The following KIF3C variants were observed in gnomAD, a reference collection of about 807,000 sequenced individuals.
KIF3C encodes kinesin family member 3C, also known as kinesin-like protein KIF3C.
KIF3C carries 12 observed loss-of-function variants against 67.7 expected under a neutral mutation model. The ratio of observed to expected loss-of-function variants is 0.18; its 90% CI spans 0.11 to 0.29. KIF3C has a LOEUF of 0.29. Ranked by LOEUF, KIF3C falls within the 10% of genes least tolerant of loss-of-function variation. The pLI is 1.00. For synonymous variants in KIF3C, 393 were observed against 426.2 expected (o/e 0.92, Z 0.96); for missense variants, 789 against 1,059.6 (o/e 0.74, Z 3.55).
intron 5 of KIF3C, among the ~76,000 whole-genome samples, chr2:25,937,355 C>T (rs186819790): frequency 6.6e-6 from 1 of 152,274 alleles, no homozygotes; most frequent in Admixed American, 6.5e-5. Flanking sequence ...TAAAAAGGTG[C>T]CGTACCCCAT....
chr2:25,943,211 G>A (rs1276690635), intron 5 of KIF3C, among the ~76,000 whole-genome samples: 1 of 152,154 alleles, frequency 6.6e-6, no homozygotes, highest in Non-Finnish European at 1.5e-5. Context: ...GGCAAGTGGT[G>A]GGATCCAATG....
At chr2:25,974,249 T>C (rs938852358) in intron 1 of KIF3C, among the ~76,000 whole-genome samples, 3 of 152,122 alleles carry the variant, frequency 2.0e-5, no homozygotes, top group Non-Finnish European at 4.4e-5. Context: ...TTTGTATTTT[T>C]AGTAGAGACG....
rs781269591 is a variant in KIF3C at position 25,955,037 on chromosome 2, C to T, written c.1770+504G>A. On this transcript the variant is annotated intron_variant, in intron 3 of 7. Coordinates refer to ENST00000264712, the MANE Select transcript of KIF3C (RefSeq NM_002254.8). The surrounding 1 kb of genome is among the most constrained non-coding windows in gnomAD (Gnocchi z 5.0). ...CAGAATCCAAGCTAGAGCTTTGCTG[C>T]TTCCTGCCCTAGACCCCCCTCACAT... is the stretch of plus-strand genomic sequence containing the variant. 6.6e-6 allele frequency among the ~76,000 whole-genome samples: 1 copy of T among 152,224 alleles called. No homozygotes were observed. The highest frequency in any genetic ancestry group is 1.5e-5 in the Non-Finnish European group (1 of 68,038).
chr2:25,970,163 C>T lies in KIF3C; in HGVS notation c.1545+10210G>A, dbSNP rs151110332. 6.6e-4 allele frequency among the ~76,000 whole-genome samples: 100 copies of T among 152,260 alleles called. 1 individual carries two copies. The highest frequency in any genetic ancestry group is 2.4e-3 in the African/African-American group (100 of 41,562). ...TATTAGTCAGGGATCTGGCATAAATCCTTCCTGTCTGAGCTGGCATTACAG... is the reference window on the plus strand; with the variant it reads ...TATTAGTCAGGGATCTGGCATAAATTCTTCCTGTCTGAGCTGGCATTACAG... On this transcript the variant is annotated intron_variant, in intron 1 of 7. Transcript: ENST00000264712.
chr2:25,961,673 T>C (rs1449230023), intron 1 of KIF3C, among the ~76,000 whole-genome samples: 4 of 152,228 alleles, frequency 2.6e-5, no homozygotes, highest in Non-Finnish European at 5.9e-5. Context: ...TCATGAAGGC[T>C]TTTTAGAAAC....
At chr2:25,973,648 G>A (rs1158328879) in intron 1 of KIF3C, among the ~76,000 whole-genome samples, 2 of 151,470 alleles carry the variant, frequency 1.3e-5, no homozygotes, top group African/African-American at 4.9e-5. Flanking sequence ...CCACCATCAA[G>A]GCCACCTATT....
Position 25,954,365 on chromosome 2 carries a change from C to T in KIF3C, c.1791G>A (p.Ala597=), listed in dbSNP as rs757531543. 11 of 1,613,700 alleles carry T rather than the reference C, an allele frequency of 6.8e-6. No individual in the cohort carries two copies. In the East Asian group the frequency reaches 1.1e-4, roughly 16 times the overall value. ...GCTGGTCCTGGATCTCCGCCTTCAC[C>T]GCCTGCAGCTTGGCGTAGAGCTGGG... ...KLKKLYAKLQ[A]VKAEIQDQHD... The change falls in exon 4 of 8, where the codon GCG becomes GCA. Residue 597 remains alanine, a synonymous_variant. Transcript: ENST00000264712.
Position 25,981,311 on chromosome 2 carries a change from C to G in KIF3C, c.607G>C (p.Ala203Pro). 1 of 1,614,050 alleles carries G rather than the reference C, an allele frequency of 6.2e-7. No homozygotes were observed. Among genetic ancestry groups the G allele is most frequent in the Non-Finnish European group, 8.5e-7 (1 of 1,179,974 alleles). ...TCATTCATGTGGGTGCTGCCCACAG[C>G]CCGGGTCTGGTTCCCCAGGTTCATC... ...HVMNLGNQTRAVGSTHMNEVS... is the reference protein window; with the variant it reads ...HVMNLGNQTRPVGSTHMNEVS... Residue 203 changes from alanine to proline, a missense_variant, in exon 1 of 8, where the codon GCT (alanine) becomes CCT (proline). This residue lies in a region of KIF3C where 648 missense variants were observed against 807.8 expected (regional missense o/e 0.80). Coordinates refer to ENST00000264712, the MANE Select transcript of KIF3C (RefSeq NM_002254.8). The surrounding 1 kb of genome is among the most constrained non-coding windows in gnomAD (Gnocchi z 8.2).
intron 5 of KIF3C, among the ~76,000 whole-genome samples, chr2:25,943,185 C>T (rs1207938970): frequency 6.6e-6 from 1 of 152,060 alleles, no homozygotes; most frequent in African/African-American, 2.4e-5. Flanking sequence ...GTTTTTTAGC[C>T]CTAATTAAGT....
chr2:25,962,254 C>G (rs1013063900), intron 1 of KIF3C, among the ~76,000 whole-genome samples: 4 of 152,166 alleles, frequency 2.6e-5, no homozygotes, highest in African/African-American at 9.7e-5. Context: ...CCTTTATTGT[C>G]TTTCTCTCCT....
intron 1 of KIF3C, among the ~76,000 whole-genome samples, chr2:25,973,281 CGG>C (rs1277624138): frequency 2.7e-4 from 41 of 152,108 alleles, no homozygotes; most frequent in African/African-American, 9.9e-4. Context: ...AGGTCAGGCA[CGG>C]TGGCTCATGC....
At chr2:25,969,234 A>G (rs915283128) in intron 1 of KIF3C, among the ~76,000 whole-genome samples, 1 of 152,064 alleles carries the variant, frequency 6.6e-6, no homozygotes, top group Non-Finnish European at 1.5e-5. Context: ...TCAACCCTGG[A>G]TTTTCCTCAA....
intron 5 of KIF3C, 83 bp downstream of exon 5, chr2:25,951,706 G>T: frequency 1.2e-6 from 1 of 832,660 alleles, no homozygotes; most frequent in Non-Finnish European, 2.0e-6. Context: ...CTCCCTGCAG[G>T]CAAGGCCTCA....
rs147154573 is a variant in KIF3C at position 25,956,421 on chromosome 2, G to A, written c.1569C>T (p.Ile523=). 2.6e-3 allele frequency: 4,212 copies of A among 1,614,010 alleles called. 12 individuals are homozygous for A. Among genetic ancestry groups the A allele is most frequent in the Non-Finnish European group, 3.3e-3 (3,875 of 1,179,960 alleles). Residue 523 remains isoleucine, a synonymous_variant, in exon 2 of 8, where the codon ATC becomes ATT. Coordinates refer to ENST00000264712, the MANE Select transcript of KIF3C (RefSeq NM_002254.8). The part of the protein sequence containing the change: ...KYKAMESKLL[I]GGRNIMDHTN... ...TGTGATCCATGATGTTCCTGCCCCC[G>A]ATGAGGAGCTTGCTCTCCATGGCCT... is the stretch of plus-strand genomic sequence containing the variant.
intron 5 of KIF3C, chr2:25,938,153 A>T: frequency 2.8e-6 from 1 of 357,608 alleles, no homozygotes. Flanking sequence ...ACCTGAGGTC[A>T]GGAGTTCAAG....
intron 5 of KIF3C, chr2:25,938,248 T>A (rs1663190040): frequency 2.2e-6 from 1 of 451,630 alleles, no homozygotes; most frequent in East Asian, 7.0e-5. Flanking sequence ...TAACCCCAGC[T>A]ACTGAGGAGG....
rs562230953 is a variant in KIF3C, at chr2:25,980,207, A to T, written c.1545+166T>A. Among the ~76,000 whole-genome samples, 5 of 152,280 alleles carry T rather than the reference A, an allele frequency of 3.3e-5. No individual in the cohort carries two copies. The East Asian group carries it at 9.7e-4, about 29-fold the overall frequency. ...CATGTACCTGGCAGCCCGGTATCACAGCAATTTGCCTGGCTGCTCTGGGGG... is the reference window on the plus strand; with the variant it reads ...CATGTACCTGGCAGCCCGGTATCACTGCAATTTGCCTGGCTGCTCTGGGGG... On this transcript the variant is annotated intron_variant, in intron 1 of 7. Coordinates refer to ENST00000264712, the MANE Select transcript of KIF3C (RefSeq NM_002254.8). The surrounding 1 kb of genome is among the most constrained non-coding windows in gnomAD (Gnocchi z 7.6).
intron 6 of KIF3C, 129 bp from the exon 7 acceptor site, chr2:25,929,606 C>T (rs1451115359): frequency 5.8e-6 from 4 of 689,702 alleles, no homozygotes; most frequent in African/African-American, 1.8e-5. Flanking sequence ...AGCATCCCCT[C>T]CCATAGGCTC....
At position 25,981,295 on chromosome 2, in the gene KIF3C, T is replaced by C. The variant is rs112001810; in HGVS notation, c.623A>G (p.His208Arg). ...GNQTRAVGST[H>R]MNEVSSRSHA... ...GGAGCGGGAGCTGACCTCATTCATG[T>C]GGGTGCTGCCCACAGCCCGGGTCTG... is the stretch of plus-strand genomic sequence containing the variant. Residue 208 changes from histidine (H) to arginine (R), a missense_variant, in exon 1 of 8, where the codon CAC (histidine) becomes CGC (arginine). Transcript: ENST00000264712. This position sits in a 1 kb window ranked among gnomAD's most constrained non-coding sequence, Gnocchi z 8.2. 2 of 1,614,144 alleles carry C rather than the reference T, an allele frequency of 1.2e-6. No individual in the cohort carries two copies. The highest frequency in any genetic ancestry group is 1.7e-6 in the Non-Finnish European group (2 of 1,180,022).
Sources: gnomAD v4.1 joint callset for allele counts (sites outside exome capture counted in the v4.1 genomes callset) on GRCh38, gnomAD v4.1.1 for gene constraint, gnomAD v4.1.1 regional missense constraint, Gnocchi (gnomAD v3.1) non-coding constraint, MANE v1.5 for transcripts, NCBI Gene and HGNC (gene_info 2026-07-23, HGNC 2026-07-21) for gene names.